Variants in GRIN2A observed in about 807,000 individuals in gnomAD.
The protein encoded by GRIN2A is glutamate ionotropic receptor NMDA type subunit 2A.
Under a neutral mutation model 113.4 loss-of-function variants are expected in GRIN2A, and 22 were observed. The ratio of observed to expected loss-of-function variants is 0.19; its 90% CI spans 0.14 to 0.28. GRIN2A has a LOEUF of 0.28. GRIN2A is among the 10% of genes least tolerant of loss of function. The pLI is 1.00. For synonymous variants in GRIN2A, 827 were observed against 738.4 expected (o/e 1.12, Z -1.94); for missense variants, 1,502 against 1,887.0 (o/e 0.80, Z 3.78).
At chr16:10,094,692 T>G (rs2048252090) in intron 2 of GRIN2A, among the ~76,000 whole-genome samples, 1 of 151,988 alleles carries the variant, frequency 6.6e-6, no homozygotes, top group Non-Finnish European at 1.5e-5. Context: ...TCCAGTGATC[T>G]GCCCGCCTCA....
chr16:10,112,351 TG>T (rs2048634144), intron 2 of GRIN2A: 1 of 657,306 alleles, frequency 1.5e-6, no homozygotes, highest in African/African-American at 1.8e-5. Context: ...CATGTAGTTA[TG>T]GGCTGCAGCT....
chr16:10,074,024 C>A (rs1323634135), intron 2 of GRIN2A, among the ~76,000 whole-genome samples: 1 of 151,698 alleles, frequency 6.6e-6, no homozygotes, highest in Non-Finnish European at 1.5e-5. Flanking sequence ...ACACTCACAA[C>A]TCAACAATAG....
intron 10 of GRIN2A, among the ~76,000 whole-genome samples, chr16:9,809,277 G>A (rs2042040229): frequency 6.6e-6 from 1 of 152,052 alleles, no homozygotes; most frequent in Non-Finnish European, 1.5e-5. Flanking sequence ...AAAATCAGCT[G>A]GGCGTCATGG....
chr16:10,111,771 G>T, intron 2 of GRIN2A: 1 of 1,487,286 alleles, frequency 6.7e-7, no homozygotes, highest in Non-Finnish European at 9.3e-7. Context: ...TGGGTGATGT[G>T]CTGGAGGCCA....
chr16:9,753,787 T>G lies in GRIN2A; in HGVS notation c.*9362A>C, dbSNP rs918272124. 4.3e-5 allele frequency: 8 copies of G among 183,970 alleles called. No homozygotes were observed. The highest frequency in any genetic ancestry group is 2.7e-4 in the East Asian group (3 of 11,298). 11.4% of individuals were successfully genotyped at this position (183,970 alleles called of 1,614,324 possible). ...ACATTAATTCCCAAATGAAGACCAT[T>G]GCTTAGAGCAGACAGCTTGCTTTCA... is the stretch of plus-strand genomic sequence containing the variant. On this transcript the variant is annotated 3_prime_UTR_variant, in exon 13 of 13. Transcript: ENST00000330684.
At chr16:9,958,862 ACTGATACATCC>A (rs1473767876) in intron 2 of GRIN2A, among the ~76,000 whole-genome samples, 3 of 152,178 alleles carry the variant, frequency 2.0e-5, no homozygotes, top group African/African-American at 7.2e-5. Context: ...GGGCTTGTTC[ACTGATACATCC>A]CTTGTGCTGG....
chr16:10,131,214 G>A (rs747169489), intron 2 of GRIN2A, among the ~76,000 whole-genome samples: 17 of 152,260 alleles, frequency 1.1e-4, no homozygotes, highest in Non-Finnish European at 1.9e-4. Flanking sequence ...AAACACCGAG[G>A]CTAGTGGAGA....
intron 2 of GRIN2A, among the ~76,000 whole-genome samples, chr16:10,056,025 T>TC (rs765621368): frequency 6.6e-6 from 1 of 151,468 alleles, no homozygotes; most frequent in Non-Finnish European, 1.5e-5. Flanking sequence ...ACACATACAC[T>TC]CCCTCACCCA....
At chr16:9,857,335 T>C (rs1032527365) in intron 4 of GRIN2A, among the ~76,000 whole-genome samples, 5 of 152,204 alleles carry the variant, frequency 3.3e-5, no homozygotes, top group African/African-American at 1.2e-4. Flanking sequence ...TTATGACAAA[T>C]ATACCATACT....
chr16:10,104,564 G>A (rs1344651442), intron 2 of GRIN2A, among the ~76,000 whole-genome samples: 2 of 152,150 alleles, frequency 1.3e-5, no homozygotes, highest in African/African-American at 2.4e-5. Flanking sequence ...AAGCTTGCAC[G>A]AGCACAATTT....
chr16:9,998,947 G>A (rs1019252676), intron 2 of GRIN2A, among the ~76,000 whole-genome samples: 9 of 152,122 alleles, frequency 5.9e-5, no homozygotes, highest in African/African-American at 1.9e-4. Flanking sequence ...TGCGGGTAGG[G>A]GGTGTGGAAT....
At chr16:9,865,636 T>C (rs2043148949) in intron 4 of GRIN2A, among the ~76,000 whole-genome samples, 1 of 152,220 alleles carries the variant, frequency 6.6e-6, no homozygotes, top group African/African-American at 2.4e-5. Flanking sequence ...AACTATTCTG[T>C]AGGTTTTCAG....
chr16:10,015,272 GA>G (rs1189929832), intron 2 of GRIN2A, among the ~76,000 whole-genome samples: 36 of 76,062 alleles, frequency 4.7e-4, no homozygotes, highest in South Asian at 3.0e-3. Flanking sequence ...AAAAAAAAAA[GA>G]AAAAAAAAAA....
chr16:9,975,707 C>T (rs2045761224), intron 2 of GRIN2A, among the ~76,000 whole-genome samples: 1 of 152,170 alleles, frequency 6.6e-6, no homozygotes, highest in African/African-American at 2.4e-5. Context: ...TGACTGTGGA[C>T]TAAAAGTTGA....
At chr16:10,179,508 C>A (rs1208215246) in intron 2 of GRIN2A, 2 of 176,798 alleles carry the variant, frequency 1.1e-5, no homozygotes, top group African/African-American at 4.8e-5. Flanking sequence ...TTTGCATTTT[C>A]TTCCAGAACC....
rs1007833813 is a variant in GRIN2A at position 9,762,967 on chromosome 16, A to G, written c.*182T>C. 1.7e-5 allele frequency: 11 copies of G among 654,206 alleles called. No individual in the cohort carries two copies. Among genetic ancestry groups the G allele is most frequent in the Non-Finnish European group, 2.6e-5 (10 of 377,584 alleles). 40.5% of individuals were successfully genotyped at this position (654,206 alleles called of 1,614,324 possible). A position where few individuals can be genotyped will look rare whatever the true frequency, so the allele number is the denominator to read the frequency against. ...CCATGCTCAGCACACACCTCACAAG[A>G]TTCCTTGAGTGGAAGATTATGGCAT... On this transcript the variant is annotated 3_prime_UTR_variant, in exon 13 of 13. Transcript: ENST00000330684.
At chr16:9,769,391 T>C (rs904026519) in intron 11 of GRIN2A, among the ~76,000 whole-genome samples, 21 of 147,604 alleles carry the variant, frequency 1.4e-4, no homozygotes, top group Non-Finnish European at 2.7e-4. Flanking sequence ...TTATATATTA[T>C]ATACATATAT....
At chr16:10,105,211 C>G (rs538283098) in intron 2 of GRIN2A, among the ~76,000 whole-genome samples, 11 of 152,246 alleles carry the variant, frequency 7.2e-5, no homozygotes, top group African/African-American at 2.6e-4. Flanking sequence ...GCCTAAGGAT[C>G]CTCACCCAGC....
intron 2 of GRIN2A, chr16:10,112,967 T>C: frequency 5.6e-6 from 2 of 354,502 alleles, no homozygotes; most frequent in East Asian, 7.2e-5. Context: ...AACTGAGTGG[T>C]CCACAGATTT....
Sources: gnomAD v4.1 joint callset for allele counts (sites outside exome capture counted in the v4.1 genomes callset) on GRCh38, gnomAD v4.1.1 for gene constraint, MANE v1.5 for transcripts, NCBI Gene and HGNC (gene_info 2026-07-23, HGNC 2026-07-21) for gene names.